PRKN: variants seen among roughly 807,000 people sequenced by gnomAD.
PRKN encodes the protein parkin RBR E3 ubiquitin protein ligase.
PRKN carries 56 observed loss-of-function variants against 59.5 expected under a neutral mutation model. The ratio of observed to expected loss-of-function variants is 0.94; its 90% confidence interval spans 0.76 to 1.18. PRKN has a LOEUF of 1.18. Ranked by LOEUF, PRKN falls within the 50% of genes most tolerant of loss-of-function variation. The pLI, the probability that PRKN is intolerant of heterozygous loss-of-function variation, is 0.00. For missense variants in PRKN, 657 were observed against 596.4 expected, an observed-to-expected ratio of 1.10 and a Z score of -1.06; for synonymous variants, 250 against 222.1, an observed-to-expected ratio of 1.13 and a Z score of -1.12.
chr6:161,559,831 T>A (rs1011738605), intron 8 of PRKN, among the ~76,000 whole-genome samples: 1 of 152,166 alleles, frequency 6.6e-6, no homozygotes, highest in African/African-American at 2.4e-5. Flanking sequence ...ACCAAAATAT[T>A]TTTTAAAATC....
intron 4 of PRKN, among the ~76,000 whole-genome samples, chr6:162,142,930 A>G (rs1321164657): frequency 6.6e-6 from 1 of 152,242 alleles, no homozygotes; most frequent in East Asian, 1.9e-4. Flanking sequence ...AAACCAAGGC[A>G]ATCAACCTAA....
At chr6:161,513,524 C>CCT in intron 9 of PRKN, among the ~76,000 whole-genome samples, 1 of 70,022 alleles carries the variant, frequency 1.4e-5, no homozygotes, top group African/African-American at 6.1e-5. Context: ...GATTACAGCA[C>CCT]ATTTTTTTTT....
At chr6:161,851,608 C>T (rs1178619489) in intron 6 of PRKN, among the ~76,000 whole-genome samples, 1 of 151,698 alleles carries the variant, frequency 6.6e-6, no homozygotes, top group Non-Finnish European at 1.5e-5. Context: ...GCCTCAGCCT[C>T]CTGAGCAGCT....
chr6:161,691,726 C>G (rs1210020671), intron 7 of PRKN, among the ~76,000 whole-genome samples: 1 of 152,144 alleles, frequency 6.6e-6, no homozygotes, highest in Non-Finnish European at 1.5e-5. Context: ...ACTAAATAGG[C>G]CATGAAAAGG....
Position 161,482,587 on chromosome 6 carries a change from G to A in PRKN, c.1083+66267C>T, listed in dbSNP as rs116933394. Among the ~76,000 whole-genome samples the A allele has an allele frequency of 6.1e-3, 932 of 152,234 alleles. 3 individuals are homozygous for A. Among genetic ancestry groups the A allele is most frequent in the Non-Finnish European group, 0.011 (721 of 68,006 alleles). ...TTGGAATGTTTTAGAAAACAAAATG[G>A]GAACAAAGTACAATGCACATTAGCT... On this transcript the variant is annotated intron_variant, in intron 9 of 11. Coordinates refer to ENST00000366898, the MANE Select transcript of PRKN (RefSeq NM_004562.3).
At chr6:162,621,813 T>C (rs373226879) in intron 1 of PRKN, among the ~76,000 whole-genome samples, 2 of 152,134 alleles carry the variant, frequency 1.3e-5, no homozygotes, top group South Asian at 2.1e-4. Flanking sequence ...CTTCAATTTA[T>C]TTATTTATTT....
Position 162,331,047 on chromosome 6 carries a change from G to T in PRKN, c.172-68282C>A, listed in dbSNP as rs188234681. The stretch of plus-strand genomic sequence containing the variant: ...TATTACGATTTTAGAAATAATTTTA[G>T]GCAGGGCACACTGGCTCACACCTGT... On this transcript the variant is annotated intron_variant, in intron 2 of 11. Transcript: ENST00000366898. Among the ~76,000 whole-genome samples, 311 of 152,172 alleles carry T rather than the reference G, an allele frequency of 2.0e-3. 2 individuals carry two copies. Among genetic ancestry groups the T allele is most frequent in the African/African-American group, 7.1e-3 (296 of 41,518 alleles).
At chr6:161,403,561 C>A (rs1166789436) in intron 9 of PRKN, among the ~76,000 whole-genome samples, 1 of 152,142 alleles carries the variant, frequency 6.6e-6, no homozygotes, top group East Asian at 1.9e-4. Flanking sequence ...CAGTGCAGGG[C>A]CTCAGGGCAG....
At chr6:161,374,581 T>G (rs1785584822) in intron 10 of PRKN, among the ~76,000 whole-genome samples, 1 of 101,616 alleles carries the variant, frequency 9.8e-6, no homozygotes, top group Non-Finnish European at 2.2e-5. Flanking sequence ...GTAATGGGTG[T>G]GTGGTGCATG....
intron 7 of PRKN, among the ~76,000 whole-genome samples, chr6:161,733,151 C>T (rs1227107039): frequency 6.6e-6 from 1 of 152,080 alleles, no homozygotes; most frequent in East Asian, 1.9e-4. Context: ...TAAACTTCAC[C>T]TCTACTAGCT....
chr6:162,552,019 A>C (rs190804301), intron 1 of PRKN, among the ~76,000 whole-genome samples: 126 of 152,336 alleles, frequency 8.3e-4, no homozygotes, highest in African/African-American at 2.9e-3. Flanking sequence ...CCTAGAAAAA[A>C]TGGTTAGAGA....
intron 7 of PRKN, among the ~76,000 whole-genome samples, chr6:161,704,460 T>C (rs575350713): frequency 3.9e-5 from 6 of 152,186 alleles, no homozygotes; most frequent in Non-Finnish European, 7.3e-5. Flanking sequence ...CCCTGAAAAT[T>C]AGCTTTCTTG....
intron 2 of PRKN, among the ~76,000 whole-genome samples, chr6:162,322,294 A>G (rs1487209287): frequency 1.3e-5 from 2 of 152,096 alleles, no homozygotes; most frequent in African/African-American, 4.8e-5. Flanking sequence ...GAGTGATATT[A>G]AAGAAGAAAG....
intron 10 of PRKN, among the ~76,000 whole-genome samples, chr6:161,380,100 G>A (rs2114925391): frequency 6.6e-6 from 1 of 152,230 alleles, no homozygotes; most frequent in East Asian, 1.9e-4. Flanking sequence ...ACAGTCAAGG[G>A]AGTGTCTTCC....
chr6:161,899,182 G>C (rs368512854), intron 6 of PRKN, among the ~76,000 whole-genome samples: 1 of 152,242 alleles, frequency 6.6e-6, no homozygotes, highest in Non-Finnish European at 1.5e-5. Context: ...ACATTTCACA[G>C]ATGAGGCTGA....
intron 3 of PRKN, among the ~76,000 whole-genome samples, chr6:162,237,410 TTTC>T (rs1562604003): frequency 6.6e-6 from 1 of 152,184 alleles, no homozygotes; most frequent in Non-Finnish European, 1.5e-5. Flanking sequence ...ATTTCTTGCT[TTTC>T]TTCTTCATAT....
intron 9 of PRKN, among the ~76,000 whole-genome samples, chr6:161,425,586 C>A (rs1583050561): frequency 6.6e-6 from 1 of 152,234 alleles, no homozygotes; most frequent in Non-Finnish European, 1.5e-5. Flanking sequence ...ATTTTCATTT[C>A]TGATGCACCA....
chr6:161,513,328 C>T (rs920231730), intron 9 of PRKN, among the ~76,000 whole-genome samples: 6 of 152,040 alleles, frequency 3.9e-5, no homozygotes, highest in Non-Finnish European at 5.9e-5. Flanking sequence ...GCAACCTCCG[C>T]CCCCCGGGTT....
rs1361762771 is a variant in PRKN, at chr6:161,548,900, T to G, written c.1037A>C (p.Asp346Ala). ...GCGAGLLPEP[D>A]QRKVTCEGGN... ...CCCTTCGCAGGTGACTTTCCTCTGG[T>G]CAGGCTCCGGCAGCAGCCCCGCTCC... is the stretch of plus-strand genomic sequence containing the variant. Residue 346 changes from aspartate to alanine, a missense_variant, in exon 9 of 12, where the codon GAC (aspartate) becomes GCC (alanine). Physicochemically the swap from Asp to Ala is moderately radical, Grantham distance 126. Coordinates refer to ENST00000366898, the MANE Select transcript of PRKN (RefSeq NM_004562.3). This position sits in a 1 kb window ranked among gnomAD's most constrained non-coding sequence, Gnocchi z 4.2. 1 of 1,614,084 alleles carries G rather than the reference T, an allele frequency of 6.2e-7. No individual in the cohort carries two copies. The highest frequency in any genetic ancestry group is 2.2e-5 in the East Asian group (1 of 44,858).
Sources: allele counts gnomAD v4.1 joint callset (sites outside exome capture counted in the v4.1 genomes callset), GRCh38; gene constraint gnomAD v4.1.1; non-coding constraint Gnocchi (gnomAD v3.1); transcripts MANE v1.5; gene names NCBI Gene and HGNC (gene_info 2026-07-23, HGNC 2026-07-21).